TNKS: variants seen among roughly 807,000 people sequenced by gnomAD.
TNKS encodes the protein poly [ADP-ribose] polymerase tankyrase-1.
A neutral mutation model predicts 135.8 loss-of-function variants in TNKS; 72 were observed. The ratio of observed to expected loss-of-function variants is 0.53; its 90% CI spans 0.44 to 0.64. TNKS has a LOEUF of 0.64. TNKS is among the 30% of genes least tolerant of loss of function. TNKS has a pLI of 0.00. For missense variants in TNKS, 1,769 were observed against 1,674.0 expected (o/e 1.06, Z -0.99); for synonymous variants, 849 against 649.3 (o/e 1.31, Z -4.68).
At chr8:9,597,671 A>C (rs1202667902) in intron 2 of TNKS, among the ~76,000 whole-genome samples, 1 of 152,202 alleles carries the variant, frequency 6.6e-6, no homozygotes, top group Non-Finnish European at 1.5e-5. Context: ...TAAGTGTATG[A>C]AATAATTGGT....
chr8:9,665,217 T>C (rs1198799825), intron 3 of TNKS, among the ~76,000 whole-genome samples: 1 of 152,234 alleles, frequency 6.6e-6, no homozygotes, highest in Non-Finnish European at 1.5e-5. Context: ...CCTGTCAAAC[T>C]AGCTTCAAAA....
At chr8:9,601,762 T>G (rs1799024890) in intron 2 of TNKS, among the ~76,000 whole-genome samples, 1 of 152,212 alleles carries the variant, frequency 6.6e-6, no homozygotes, top group African/African-American at 2.4e-5. Context: ...CACAGCACCT[T>G]AAATTTAGAA....
chr8:9,676,593 T>C (rs1802546719), intron 3 of TNKS, among the ~76,000 whole-genome samples: 1 of 152,074 alleles, frequency 6.6e-6, no homozygotes, highest in Admixed American at 6.6e-5. Flanking sequence ...TTCTGACTAC[T>C]CCAGAAAAAT....
chr8:9,616,794 C>T (rs1363056047), intron 3 of TNKS, among the ~76,000 whole-genome samples: 3 of 151,950 alleles, frequency 2.0e-5, no homozygotes, highest in Non-Finnish European at 4.4e-5. Context: ...GAGTAATAAA[C>T]CTACTTAAAT....
chr8:9,721,194 A>G (rs531946155), intron 12 of TNKS, among the ~76,000 whole-genome samples: 75 of 150,950 alleles, frequency 5.0e-4, no homozygotes, highest in African/African-American at 1.8e-3. Flanking sequence ...GGCAAGGAGA[A>G]TTGCTTGAAC....
chr8:9,565,038 G>C (rs12548285), intron 1 of TNKS, among the ~76,000 whole-genome samples: 43,207 of 151,470 alleles, frequency 0.29, 6,477 homozygotes, highest in East Asian at 0.4. Context: ...TTGATTTCAA[G>C]TAATTGAGGA....
At chr8:9,561,654 A>G (rs1797335132) in intron 1 of TNKS, among the ~76,000 whole-genome samples, 3 of 152,308 alleles carry the variant, frequency 2.0e-5, no homozygotes, top group Admixed American at 6.5e-5. Flanking sequence ...TAAAGTCGCA[A>G]TGAACATTCT....
In TNKS at chr8:9,754,815, C is replaced by T. The variant is rs960120520; in HGVS notation, c.3153+2189C>T. On this transcript the variant is annotated intron_variant, in intron 20 of 26. Transcript: ENST00000310430. ...CGTCTAATGGTTAGGACTTTATAGA[C>T]TGCTGTCTATAAAATCATTTTCTTT... Among the ~76,000 whole-genome samples, 12 of 152,226 alleles carry T rather than the reference C, an allele frequency of 7.9e-5. 1 individual carries two copies. The highest frequency in any genetic ancestry group is 2.6e-4 in the African/African-American group (11 of 41,550).
At chr8:9,632,951 A>C (rs533882174) in intron 3 of TNKS, among the ~76,000 whole-genome samples, 1 of 152,042 alleles carries the variant, frequency 6.6e-6, no homozygotes, top group Non-Finnish European at 1.5e-5. Context: ...GGATGGTCTC[A>C]ATCTCCTGAC....
chr8:9,630,343 C>G (rs1800240680), intron 3 of TNKS, among the ~76,000 whole-genome samples: 2 of 152,064 alleles, frequency 1.3e-5, no homozygotes, highest in Non-Finnish European at 2.9e-5. Flanking sequence ...AACAGCATAC[C>G]AGCAGTATAA....
chr8:9,688,717 G>A (rs1392124011), intron 5 of TNKS, among the ~76,000 whole-genome samples: 1 of 152,096 alleles, frequency 6.6e-6, no homozygotes, highest in African/African-American at 2.4e-5. Flanking sequence ...TCAGCTCACT[G>A]CAAGCTCCGC....
intron 20 of TNKS, among the ~76,000 whole-genome samples, chr8:9,759,117 T>C (rs576958087): frequency 9.2e-5 from 14 of 152,282 alleles, no homozygotes; most frequent in African/African-American, 3.4e-4. Flanking sequence ...CTCATCACCA[T>C]TGCTGTATTT....
Position 9,674,777 on chromosome 8 carries a change from G to A in TNKS, c.995-5174G>A, listed in dbSNP as rs1264655609. On this transcript the variant is annotated intron_variant, in intron 3 of 26. Transcript: ENST00000310430. ...AAAGGTCAAGGTTCCAGGAGACAAGGAAAGGGTCTCTACCAGGAAAATACT... is the reference window on the plus strand; with the variant it reads ...AAAGGTCAAGGTTCCAGGAGACAAGAAAAGGGTCTCTACCAGGAAAATACT... 2.0e-5 allele frequency among the ~76,000 whole-genome samples: 3 copies of A among 152,194 alleles called. No homozygotes were observed. The East Asian group carries it at 5.8e-4, about 29-fold the overall frequency.
At position 9,781,034 on chromosome 8, in the gene TNKS, T is replaced by TA. The variant is rs1213592400; in HGVS notation, c.*4301dup. On this transcript the variant is annotated 3_prime_UTR_variant, in exon 27 of 27. Transcript: ENST00000310430. ...TTTAAAATGTAAATTATGGTTATGC[T>TA]AAAGTGAAAACCTAGAGGAAGCTAA... 36 of 152,346 alleles carry TA rather than the reference T, an allele frequency of 2.4e-4. No homozygotes were observed. Among genetic ancestry groups the TA allele is most frequent in the African/African-American group, 8.7e-4 (36 of 41,580 alleles). The allele number at this position is 152,346 out of a possible 1,614,324, so 9.4% of individuals were successfully genotyped here.
intron 2 of TNKS, among the ~76,000 whole-genome samples, chr8:9,613,963 C>T (rs764454003): frequency 4.9e-4 from 74 of 152,180 alleles, no homozygotes; most frequent in Admixed American, 5.2e-4. Context: ...TTCTGCAGTT[C>T]CTGAAGTATG....
intron 1 of TNKS, among the ~76,000 whole-genome samples, chr8:9,576,480 T>A (rs7841074): frequency 0.27 from 40,175 of 148,064 alleles, 5,856 homozygotes; most frequent in East Asian, 0.38. Flanking sequence ...TTTTTTTTTT[T>A]TTTTTTTTGA....
chr8:9,623,226 T>G (rs1429890675), intron 3 of TNKS, among the ~76,000 whole-genome samples: 1 of 152,204 alleles, frequency 6.6e-6, no homozygotes, highest in East Asian at 1.9e-4. Flanking sequence ...GAACATTCAT[T>G]TGAAACCTAA....
At position 9,758,560 on chromosome 8, in the gene TNKS, C is replaced by T. The variant is rs138518963; in HGVS notation, c.3154-2956C>T. On this transcript the variant is annotated intron_variant, in intron 20 of 26. Transcript: ENST00000310430. ...AAAATAACAAACATGTATTATTCCA[C>T]AGTTTCTGTATGTCAACAATCTAAG... Among the ~76,000 whole-genome samples, 1,339 of 152,308 alleles carry T rather than the reference C, an allele frequency of 8.8e-3. 5 individuals carry two copies. Among genetic ancestry groups the T allele is most frequent in the Middle Eastern group, 0.017 (5 of 294 alleles).
At chr8:9,730,680 A>C (rs1425318183) in intron 13 of TNKS, among the ~76,000 whole-genome samples, 1 of 152,210 alleles carries the variant, frequency 6.6e-6, no homozygotes, top group Non-Finnish European at 1.5e-5. Context: ...GAAAAACATT[A>C]ATTTGCTCTG....
Sources: allele counts gnomAD v4.1 joint callset (sites outside exome capture counted in the v4.1 genomes callset), GRCh38; gene constraint gnomAD v4.1.1; transcripts MANE v1.5; gene names NCBI Gene and HGNC (gene_info 2026-07-23, HGNC 2026-07-21).